Variants in SCN3A observed in about 807,000 individuals in gnomAD.
The protein encoded by SCN3A is sodium voltage-gated channel alpha subunit 3, also known as sodium channel protein type 3 subunit alpha.
A neutral mutation model predicts 187.6 loss-of-function variants in SCN3A; 60 were observed. The ratio of observed to expected loss-of-function variants is 0.32; its 90% CI spans 0.26 to 0.40. The LOEUF (loss-of-function observed/expected upper bound fraction) is 0.40. Among genes scored for constraint, SCN3A ranks in the 10% least tolerant of loss-of-function variants. The pLI is 1.00. For missense variants in SCN3A, 1,601 were observed against 2,428.2 expected, an observed-to-expected ratio of 0.66 and a Z score of 7.16; for synonymous variants, 788 against 829.2, an observed-to-expected ratio of 0.95 and a Z score of 0.85.
At chr2:165,096,573 A>G in intron 23 of SCN3A, 53 bp from the exon 24 acceptor site, 1 of 1,273,138 alleles carries the variant, frequency 7.9e-7, no homozygotes, top group Non-Finnish European at 1.1e-6. Context: ...TAACAATGAC[A>G]TTTAACCAGA....
At chr2:165,160,462 A>T (rs187483768) in intron 9 of SCN3A, among the ~76,000 whole-genome samples, 5 of 152,196 alleles carry the variant, frequency 3.3e-5, no homozygotes, top group African/African-American at 4.8e-5. Flanking sequence ...TACTTAAGCC[A>T]TAATAGGAAT....
At chr2:165,163,835 A>G (rs771085994) in intron 6 of SCN3A, 126 bp from the exon 7 acceptor site, 2 of 1,613,908 alleles carry the variant, frequency 1.2e-6, no homozygotes, top group South Asian at 2.2e-5. Flanking sequence ...AGAGCTCTCA[A>G]GACTCTGAAA....
chr2:165,178,324 T>C (rs540751898), intron 2 of SCN3A, among the ~76,000 whole-genome samples: 2 of 152,164 alleles, frequency 1.3e-5, no homozygotes, highest in African/African-American at 4.8e-5. Context: ...ACTCCCGGGC[T>C]CAGGTGATCC....
In SCN3A at chr2:165,154,563, C is replaced by A; in HGVS notation, c.1269G>T (p.Val423=). Residue 423 remains valine, a synonymous_variant, in exon 11 of 28, where the codon GTG becomes GTT. Transcript: ENST00000283254. ...FYLVNLILAV[V]AMAYEEQNQA... is the part of the protein sequence containing the mutation. ...GATTCTGCTCCTCATAGGCCATGGC[C>A]ACCACAGCCAGGATCAAATTCACCA... The A allele has an allele frequency of 6.2e-7, 1 of 1,614,084 alleles. No individual in the cohort carries two copies. Among genetic ancestry groups the A allele is most frequent in the Non-Finnish European group, 8.5e-7 (1 of 1,180,014 alleles).
intron 15 of SCN3A, among the ~76,000 whole-genome samples, chr2:165,134,872 A>G (rs1316551601): frequency 6.6e-6 from 1 of 152,054 alleles, no homozygotes; most frequent in Non-Finnish European, 1.5e-5. Flanking sequence ...ATAGAAAATC[A>G]TAAGGTGATC....
chr2:165,126,564 TCC>T (rs1248064890), intron 18 of SCN3A, among the ~76,000 whole-genome samples: 3 of 148,638 alleles, frequency 2.0e-5, no homozygotes, highest in Non-Finnish European at 4.5e-5. Flanking sequence ...TCCCTTTCTT[TCC>T]CCTTCCTTCC....
intron 1 of SCN3A, among the ~76,000 whole-genome samples, chr2:165,196,980 G>T (rs922003937): frequency 2.0e-5 from 3 of 152,076 alleles, no homozygotes; most frequent in Non-Finnish European, 2.9e-5. Context: ...CAAACTTAAA[G>T]TTATGGATGC....
chr2:165,119,600 A>G (rs1343934860), intron 18 of SCN3A: 1 of 152,176 alleles, frequency 6.6e-6, no homozygotes, highest in East Asian at 1.9e-4. Context: ...CATTTTCTAA[A>G]TAAGTTCAAC....
chr2:165,142,493 T>C (rs1295612909), intron 12 of SCN3A, among the ~76,000 whole-genome samples: 2 of 152,200 alleles, frequency 1.3e-5, no homozygotes, highest in South Asian at 2.1e-4. Flanking sequence ...ACAGGAACTA[T>C]TGGCTGTCCA....
intron 11 of SCN3A, among the ~76,000 whole-genome samples, chr2:165,152,861 G>A (rs1321191791): frequency 2.0e-5 from 3 of 151,934 alleles, no homozygotes; most frequent in Non-Finnish European, 4.4e-5. Flanking sequence ...CATGGCACAT[G>A]TATGCATATG....
At chr2:165,192,896 C>G (rs1319086250) in intron 1 of SCN3A, among the ~76,000 whole-genome samples, 1 of 152,070 alleles carries the variant, frequency 6.6e-6, no homozygotes, top group Non-Finnish European at 1.5e-5. Context: ...ATTGCCCAAA[C>G]AAATCTTGCA....
rs1574091038 is a variant in SCN3A, at chr2:165,092,084, C to T, written c.4807+170G>A. On this transcript the variant is annotated intron_variant, in intron 27 of 27. Transcript: ENST00000283254. This position sits in a 1 kb window ranked among gnomAD's most constrained non-coding sequence, Gnocchi z 4.2. Reference sequence around the variant, plus strand: ...CCTAACATGGTTTCTAACTAGTTAGCTTTGTGAATAAACCCAGGTTTCAGA... The same window carrying T: ...CCTAACATGGTTTCTAACTAGTTAGTTTTGTGAATAAACCCAGGTTTCAGA... The T allele has an allele frequency of 1.5e-6, 1 of 687,646 alleles. No individual in the cohort carries two copies. Among genetic ancestry groups the T allele is most frequent in the East Asian group, 2.6e-5 (1 of 37,868 alleles). The allele number at this position is 687,646 out of a possible 1,614,324, so 42.6% of individuals were successfully genotyped here. A position where few individuals can be genotyped will look rare whatever the true frequency, so the allele number is the denominator to read the frequency against.
intron 21 of SCN3A, among the ~76,000 whole-genome samples, chr2:165,106,101 G>A (rs1385129402): frequency 6.6e-6 from 1 of 152,108 alleles, no homozygotes; most frequent in Non-Finnish European, 1.5e-5. Flanking sequence ...GTTCATCCCT[G>A]GGAAAAGGAT....
intron 24 of SCN3A, 99 bp downstream of exon 24, chr2:165,096,368 G>T: frequency 1.1e-6 from 1 of 885,780 alleles, no homozygotes; most frequent in Non-Finnish European, 1.9e-6. Context: ...AATATTAAAT[G>T]TTCTAATATA....
intron 11 of SCN3A, among the ~76,000 whole-genome samples, chr2:165,153,997 T>C (rs2105859177): frequency 6.8e-6 from 1 of 147,464 alleles, no homozygotes; most frequent in Admixed American, 6.7e-5. Flanking sequence ...ATTTTTTTTT[T>C]TTTTTTTTTT....
At chr2:165,147,835 G>T (rs1480431961) in intron 11 of SCN3A, among the ~76,000 whole-genome samples, 2 of 152,098 alleles carry the variant, frequency 1.3e-5, no homozygotes, top group Non-Finnish European at 2.9e-5. Context: ...CAGCTCTGAG[G>T]TGAAACATGG....
chr2:165,154,677 A>G lies in SCN3A; in HGVS notation c.1174-19T>C, dbSNP rs1359981311. 2 of 1,596,598 alleles carry G rather than the reference A, an allele frequency of 1.3e-6. No individual in the cohort carries two copies. The highest frequency in any genetic ancestry group is 1.7e-6 in the Non-Finnish European group (2 of 1,164,132). ...GTAATGTCTAGGGGAAATGGGGGAT[A>G]ATTCCATCAGTATTTTAGTATAATG... is the stretch of plus-strand genomic sequence containing the variant. On this transcript the variant is annotated intron_variant, in intron 10 of 27. Coordinates refer to ENST00000283254, the MANE Select transcript of SCN3A (RefSeq NM_006922.4).
intron 2 of SCN3A, among the ~76,000 whole-genome samples, chr2:165,177,237 C>T (rs567087521): frequency 6.6e-6 from 1 of 152,272 alleles, no homozygotes; most frequent in South Asian, 2.1e-4. Context: ...CCTGAATCTT[C>T]CATTTAGTAT....
chr2:165,148,605 T>C (rs1039459736), intron 11 of SCN3A, among the ~76,000 whole-genome samples: 1 of 152,090 alleles, frequency 6.6e-6, no homozygotes, highest in African/African-American at 2.4e-5. Context: ...CTAAATATGA[T>C]TTTAAATTTA....
Sources: gnomAD v4.1 joint callset for allele counts (sites outside exome capture counted in the v4.1 genomes callset) on GRCh38, gnomAD v4.1.1 for gene constraint, Gnocchi (gnomAD v3.1) non-coding constraint, MANE v1.5 for transcripts, NCBI Gene and HGNC (gene_info 2026-07-23, HGNC 2026-07-21) for gene names.